SGMS1: variants seen among roughly 807,000 people sequenced by gnomAD.
The protein encoded by SGMS1 is sphingomyelin synthase 1, also known as phosphatidylcholine:ceramide cholinephosphotransferase 1.
A neutral mutation model predicts 46.2 loss-of-function variants in SGMS1; 13 were observed. The ratio of observed to expected loss-of-function variants is 0.28; its 90% CI spans 0.18 to 0.45. The LOEUF is 0.45. Among genes scored for constraint, SGMS1 ranks in the 20% least tolerant of loss-of-function variants. SGMS1 has a pLI of 1.00. For missense variants in SGMS1, 324 were observed against 519.9 expected (o/e 0.62, Z 3.66); for synonymous variants, 203 against 187.8 (o/e 1.08, Z -0.66).
chr10:50,389,795 G>A (rs1035012947), intron 6 of SGMS1, among the ~76,000 whole-genome samples: 1 of 152,044 alleles, frequency 6.6e-6, no homozygotes, highest in Non-Finnish European at 1.5e-5. Flanking sequence ...GACTTTCTAT[G>A]AAGCTTTTTG....
intron 7 of SGMS1, among the ~76,000 whole-genome samples, chr10:50,336,344 C>T (rs1036385339): frequency 2.0e-5 from 3 of 152,128 alleles, no homozygotes; most frequent in Admixed American, 6.6e-5. Context: ...TAAGGTTGGG[C>T]ATGCCTAGTC....
In SGMS1 at chr10:50,586,044, T is replaced by A. The variant is rs566532061; in HGVS notation, c.-589+4109A>T. Among the ~76,000 whole-genome samples, 6 of 152,342 alleles carry A rather than the reference T, an allele frequency of 3.9e-5. No individual in the cohort carries two copies. The East Asian group carries it at 1.2e-3, about 29-fold the overall frequency. ...CACTGTTGCAACTACTCAACCCTGG[T>A]CTCTTTTGCAACTATTCAACTCTGC... On this transcript the variant is annotated intron_variant, in intron 2 of 10. Coordinates refer to ENST00000361781, the MANE Select transcript of SGMS1 (RefSeq NM_147156.4).
At chr10:50,395,185 C>T (rs529900535) in intron 6 of SGMS1, among the ~76,000 whole-genome samples, 1 of 152,310 alleles carries the variant, frequency 6.6e-6, no homozygotes, top group Admixed American at 6.5e-5. Context: ...AAAACACCTT[C>T]ATGGTCGCTG....
chr10:50,488,093 A>C (rs2133733747), intron 3 of SGMS1, among the ~76,000 whole-genome samples: 1 of 151,790 alleles, frequency 6.6e-6, no homozygotes, highest in East Asian at 1.9e-4. Context: ...GGCTCACTGC[A>C]ACCTCTGCCT....
intron 2 of SGMS1, among the ~76,000 whole-genome samples, chr10:50,586,047 CTT>C (rs1419930746): frequency 6.6e-6 from 1 of 152,208 alleles, no homozygotes; most frequent in Non-Finnish European, 1.5e-5. Flanking sequence ...ACCCTGGTCT[CTT>C]TTGCAACTAT....
chr10:50,446,949 C>A (rs749395862), intron 5 of SGMS1, among the ~76,000 whole-genome samples: 16 of 152,172 alleles, frequency 1.1e-4, no homozygotes, highest in Non-Finnish European at 2.2e-4. Flanking sequence ...GGAACAACTT[C>A]TAAAGCCTCA....
At chr10:50,390,543 C>G (rs1589420231) in intron 6 of SGMS1, among the ~76,000 whole-genome samples, 3 of 152,280 alleles carry the variant, frequency 2.0e-5, no homozygotes, top group African/African-American at 7.2e-5. Context: ...AAGGCTGGAA[C>G]AGGAGGATGG....
chr10:50,553,674 A>G (rs1319128426), intron 2 of SGMS1, among the ~76,000 whole-genome samples: 1 of 152,188 alleles, frequency 6.6e-6, no homozygotes, highest in African/African-American at 2.4e-5. Context: ...GCTTTTAGGT[A>G]TCTGACTCAA....
chr10:50,376,878 T>A (rs888660402), intron 6 of SGMS1, among the ~76,000 whole-genome samples: 2 of 152,176 alleles, frequency 1.3e-5, no homozygotes, highest in Non-Finnish European at 2.9e-5. Context: ...TTGTGAATAA[T>A]GTCAATGGGC....
At chr10:50,375,777 A>G (rs546737852) in intron 6 of SGMS1, among the ~76,000 whole-genome samples, 57 of 152,188 alleles carry the variant, frequency 3.7e-4, no homozygotes, top group Non-Finnish European at 7.3e-4. Flanking sequence ...AAGTGTACAG[A>G]CCTCAAAACA....
At chr10:50,579,635 T>G (rs1588882878) in intron 2 of SGMS1, among the ~76,000 whole-genome samples, 1 of 152,152 alleles carries the variant, frequency 6.6e-6, no homozygotes, top group East Asian at 1.9e-4. Context: ...TAGAATTCTA[T>G]CCCCAGCCAC....
chr10:50,307,260 T>C lies in SGMS1; in HGVS notation c.1124A>G (p.Gln375Arg). 1 of 1,614,108 alleles carries C rather than the reference T, an allele frequency of 6.2e-7. No individual in the cohort carries two copies. The highest frequency in any genetic ancestry group is 8.5e-7 in the Non-Finnish European group (1 of 1,179,994). Residue 375 changes from glutamine to arginine, a missense_variant, in exon 11 of 11, where the codon CAG (glutamine) becomes CGG (arginine). Around this residue, in one of 2 missense-constraint regions of SGMS1, gnomAD observed 174 missense variants for 350.1 expected, o/e 0.50. Coordinates refer to ENST00000361781, the MANE Select transcript of SGMS1 (RefSeq NM_147156.4). The surrounding 1 kb of genome is among the most constrained non-coding windows in gnomAD (Gnocchi z 4.2). The stretch of plus-strand genomic sequence containing the variant: ...TCCTTGGACATTCTTTTCAAAGTAC[T>C]GAAATGGCCTGTACCACCACACCCT... ...LARVWWYRPFQYFEKNVQGIV... is the reference protein window; with the variant it reads ...LARVWWYRPFRYFEKNVQGIV...
intron 2 of SGMS1, among the ~76,000 whole-genome samples, chr10:50,573,214 T>C (rs960233185): frequency 4.6e-5 from 7 of 152,164 alleles, no homozygotes; most frequent in East Asian, 1.9e-4. Flanking sequence ...CTATTCAATA[T>C]GGTACGAGAC....
intron 3 of SGMS1, among the ~76,000 whole-genome samples, chr10:50,470,791 C>T (rs59889325): frequency 0.011 from 1,707 of 152,154 alleles, 27 homozygotes; most frequent in African/African-American, 0.038. Context: ...AAACTGCTGG[C>T]TGAGATGTAA....
intron 6 of SGMS1, among the ~76,000 whole-genome samples, chr10:50,404,554 G>A (rs182559116): frequency 3.3e-4 from 51 of 152,268 alleles, no homozygotes; most frequent in African/African-American, 1.2e-3. Context: ...AATAAGCTAT[G>A]ATTGTGCCAC....
chr10:50,404,163 G>A (rs960706278), intron 6 of SGMS1, among the ~76,000 whole-genome samples: 1 of 152,052 alleles, frequency 6.6e-6, no homozygotes, highest in Non-Finnish European at 1.5e-5. Context: ...TTTACAGAAA[G>A]AAACTCACAA....
intron 6 of SGMS1, among the ~76,000 whole-genome samples, chr10:50,427,775 T>C (rs991832375): frequency 2.0e-5 from 3 of 152,162 alleles, no homozygotes; most frequent in African/African-American, 4.8e-5. Context: ...GTCCAGGGCT[T>C]GGGTTATTTT....
chr10:50,563,157 C>T (rs1838256554), intron 2 of SGMS1, among the ~76,000 whole-genome samples: 1 of 152,214 alleles, frequency 6.6e-6, no homozygotes, highest in Non-Finnish European at 1.5e-5. Context: ...TCTGCAGCAT[C>T]TAGTGCCTGT....
intron 6 of SGMS1, among the ~76,000 whole-genome samples, chr10:50,372,291 T>A (rs979175947): frequency 2.6e-5 from 4 of 152,232 alleles, no homozygotes; most frequent in Admixed American, 6.5e-5. Flanking sequence ...CCTATTATAT[T>A]AACTTCCTTA....
Sources: gnomAD v4.1 joint callset for allele counts (sites outside exome capture counted in the v4.1 genomes callset) on GRCh38, gnomAD v4.1.1 for gene constraint, gnomAD v4.1.1 regional missense constraint, Gnocchi (gnomAD v3.1) non-coding constraint, MANE v1.5 for transcripts, NCBI Gene and HGNC (gene_info 2026-07-23, HGNC 2026-07-21) for gene names.